ZNF423: variants seen among roughly 807,000 people sequenced by gnomAD.
The protein encoded by ZNF423 is zinc finger protein 423.
A neutral mutation model predicts 95.8 loss-of-function variants in ZNF423; 12 were observed. The ratio of observed to expected loss-of-function variants is 0.13; its 90% CI spans 0.08 to 0.20. The LOEUF (loss-of-function observed/expected upper bound fraction) is 0.20, where lower values mean the gene tolerates loss of function less well. ZNF423 is among the 10% of genes least tolerant of loss of function. ZNF423 has a pLI of 1.00. For synonymous variants in ZNF423, 749 were observed against 711.9 expected, an observed-to-expected ratio of 1.05 and a Z score of -0.83; for missense variants, 1,316 against 1,737.1, an observed-to-expected ratio of 0.76 and a Z score of 4.31.
At chr16:49,730,457 G>A (rs557628226) in intron 3 of ZNF423, 46 of 396,274 alleles carry the variant, frequency 1.2e-4, no homozygotes, top group Non-Finnish European at 1.8e-4. Context: ...TAATTACTGC[G>A]TTTCCAAAAG....
At chr16:49,760,687 G>A (rs1163146413) in intron 2 of ZNF423, among the ~76,000 whole-genome samples, 6 of 152,016 alleles carry the variant, frequency 3.9e-5, no homozygotes, top group Admixed American at 3.3e-4. Context: ...GACAGAACTC[G>A]AACTGAGCAG....
intron 3 of ZNF423, among the ~76,000 whole-genome samples, chr16:49,694,143 A>C (rs2031887069): frequency 6.6e-6 from 1 of 152,180 alleles, no homozygotes; most frequent in African/African-American, 2.4e-5. Flanking sequence ...AACATAGGAA[A>C]TAAGGATGCT....
chr16:49,673,071 C>G (rs925912674), intron 3 of ZNF423, among the ~76,000 whole-genome samples: 2 of 152,146 alleles, frequency 1.3e-5, no homozygotes, highest in African/African-American at 4.8e-5. Flanking sequence ...GCTCACCACC[C>G]CGCCGTGGTA....
intron 3 of ZNF423, among the ~76,000 whole-genome samples, chr16:49,712,685 C>A (rs981698823): frequency 6.6e-6 from 1 of 152,278 alleles, no homozygotes; most frequent in African/African-American, 2.4e-5. Flanking sequence ...CCTTGCCCTG[C>A]ACACAAATAA....
chr16:49,629,705 A>G (rs1472974284), intron 4 of ZNF423, among the ~76,000 whole-genome samples: 6 of 152,138 alleles, frequency 3.9e-5, no homozygotes, highest in Non-Finnish European at 7.3e-5. Context: ...TGTTTTGTCT[A>G]CCTTTGAGGC....
At chr16:49,507,036 G>A (rs1369933747) in intron 7 of ZNF423, among the ~76,000 whole-genome samples, 1 of 152,108 alleles carries the variant, frequency 6.6e-6, no homozygotes, top group East Asian at 1.9e-4. Flanking sequence ...AAGACAATGG[G>A]CTTTGGAGAT....
intron 3 of ZNF423, among the ~76,000 whole-genome samples, chr16:49,717,729 G>A (rs1221869389): frequency 1.3e-5 from 2 of 152,168 alleles, no homozygotes; most frequent in African/African-American, 4.8e-5. Flanking sequence ...TGGTCGGCAG[G>A]GAATCCCAAC....
intron 5 of ZNF423, among the ~76,000 whole-genome samples, chr16:49,575,206 C>T (rs547714440): frequency 1.3e-3 from 199 of 152,230 alleles, no homozygotes; most frequent in African/African-American, 4.6e-3. Flanking sequence ...AATTCATTTG[C>T]GATCACCAGG....
chr16:49,712,262 T>C (rs535922789), intron 3 of ZNF423, among the ~76,000 whole-genome samples: 80 of 152,332 alleles, frequency 5.3e-4, no homozygotes, highest in African/African-American at 1.6e-3. Flanking sequence ...GGGGCCTGCA[T>C]TGGTCACAGA....
rs970517185 is a variant in ZNF423, at chr16:49,691,734, G to GA, written c.301+39036dup. ...GCAACAGAGCGAGACTCCATCTCAAGAAAAAAAAAAATAGAGGATCCTCAA... is the reference window on the plus strand; with the variant it reads ...GCAACAGAGCGAGACTCCATCTCAAGAAAAAAAAAAAATAGAGGATCCTCAA... On this transcript the variant is annotated intron_variant, in intron 3 of 7. Coordinates refer to ENST00000563137, the MANE Select transcript of ZNF423 (RefSeq NM_001379286.1). 5.1e-3 allele frequency among the ~76,000 whole-genome samples: 724 copies of GA among 143,042 alleles called. 7 individuals are homozygous for GA. Among genetic ancestry groups the GA allele is most frequent in the African/African-American group, 0.015 (601 of 39,252 alleles). 93.8% of individuals were successfully genotyped at this position (143,042 alleles called of 152,430 possible). A position where few individuals can be genotyped will look rare whatever the true frequency, so the allele number is the denominator to read the frequency against.
intron 2 of ZNF423, among the ~76,000 whole-genome samples, chr16:49,752,786 T>G (rs1269361753): frequency 1.3e-5 from 2 of 152,180 alleles, no homozygotes; most frequent in East Asian, 3.9e-4. Context: ...GAGGTTGCTG[T>G]GGAGCTCATT....
At chr16:49,706,055 G>T (rs1032122234) in intron 3 of ZNF423, among the ~76,000 whole-genome samples, 4 of 152,108 alleles carry the variant, frequency 2.6e-5, no homozygotes, top group African/African-American at 9.7e-5. Flanking sequence ...TTAACGCAGA[G>T]AGAACAGCGT....
Position 49,489,341 on chromosome 16 carries a change from C to A in ZNF423, c.*1934G>T, listed in dbSNP as rs564021664. ...CAGACATAGCCCCAGCCCCAGGCCC[C>A]AAGCCCCAGTCCACGGGTGGGCACA... is the stretch of plus-strand genomic sequence containing the variant. On this transcript the variant is annotated 3_prime_UTR_variant, in exon 8 of 8. Transcript: ENST00000563137. 7 of 152,490 alleles carry A rather than the reference C, an allele frequency of 4.6e-5. 1 individual carries two copies. The East Asian group carries it at 1.4e-3, about 29-fold the overall frequency. 9.4% of individuals were successfully genotyped at this position (152,490 alleles called of 1,614,324 possible).
chr16:49,745,975 G>A (rs2033514944), intron 2 of ZNF423, among the ~76,000 whole-genome samples: 3 of 152,126 alleles, frequency 2.0e-5, no homozygotes, highest in African/African-American at 7.2e-5. Context: ...CTTACTCAGG[G>A]CAGAGAAATA....
intron 5 of ZNF423, among the ~76,000 whole-genome samples, chr16:49,562,905 A>G (rs1395582312): frequency 6.6e-6 from 1 of 152,002 alleles, no homozygotes; most frequent in Non-Finnish European, 1.5e-5. Flanking sequence ...CAGCCTCCCG[A>G]GTAGTTGGGA....
chr16:49,690,821 G>A (rs2031750740), intron 3 of ZNF423, among the ~76,000 whole-genome samples: 1 of 152,234 alleles, frequency 6.6e-6, no homozygotes, highest in Admixed American at 6.5e-5. Context: ...ATGGGAGGGG[G>A]ATGGAGACCT....
At chr16:49,714,000 C>A (rs762093361) in intron 3 of ZNF423, among the ~76,000 whole-genome samples, 1 of 152,144 alleles carries the variant, frequency 6.6e-6, no homozygotes, top group African/African-American at 2.4e-5. Flanking sequence ...CAAGTCAGCC[C>A]GGCAGTGTGG....
At position 49,490,337 on chromosome 16, in the gene ZNF423, C is replaced by G. The variant is rs932011662; in HGVS notation, c.*938G>C. On this transcript the variant is annotated 3_prime_UTR_variant, in exon 8 of 8. Coordinates refer to ENST00000563137, the MANE Select transcript of ZNF423 (RefSeq NM_001379286.1). ...GGGAAAGCTGCACGTTACCCTTGGG[C>G]CTCTGTTTCCCCATCCAAGAGTGGG... 6.6e-6 allele frequency: 1 copy of G among 152,288 alleles called. No homozygotes were observed. Among genetic ancestry groups the G allele is most frequent in the Non-Finnish European group, 1.5e-5 (1 of 68,062 alleles). 9.4% of individuals were successfully genotyped at this position (152,288 alleles called of 1,614,324 possible). A position where few individuals can be genotyped will look rare whatever the true frequency, so the allele number is the denominator to read the frequency against.
chr16:49,802,242 G>T, intron 1 of ZNF423, among the ~76,000 whole-genome samples: 1 of 152,094 alleles, frequency 6.6e-6, no homozygotes, highest in East Asian at 1.9e-4. Context: ...CATAGGACTG[G>T]ACTCTCACTC....
Sources: gnomAD v4.1 joint callset for allele counts (sites outside exome capture counted in the v4.1 genomes callset) on GRCh38, gnomAD v4.1.1 for gene constraint, MANE v1.5 for transcripts, NCBI Gene and HGNC (gene_info 2026-07-23, HGNC 2026-07-21) for gene names.